Variants in NPLOC4 observed in about 807,000 individuals in gnomAD.
NPLOC4 encodes NPL4 homolog, ubiquitin recognition factor, also known as nuclear protein localization protein 4 homolog.
In NPLOC4, 18 loss-of-function variants were observed where a neutral mutation model predicts 80.6. The observed-to-expected ratio is 0.22, with a 90% CI of 0.15 to 0.33. The LOEUF is 0.33. Among genes scored for constraint, NPLOC4 ranks in the 10% least tolerant of loss-of-function variants. The probability of loss-of-function intolerance (pLI) is 1.00; values close to 1 mark genes in which losing one functional copy is unlikely to be tolerated. For missense variants in NPLOC4, 540 were observed against 786.1 expected, an observed-to-expected ratio of 0.69 and a Z score of 3.74; for synonymous variants, 313 against 301.5, an observed-to-expected ratio of 1.04 and a Z score of -0.39.
In NPLOC4 at chr17:81,632,203, T is replaced by G. The variant is rs2035949815; in HGVS notation, c.16-2398A>C. ...GTTAGTCAATCTGGTCTTAAACGCC[T>G]ACCTCAGGTGATCCACCTGCCTCAG... On this transcript the variant is annotated intron_variant, in intron 1 of 16. Coordinates refer to ENST00000331134, the MANE Select transcript of NPLOC4 (RefSeq NM_017921.4). Among the ~76,000 whole-genome samples the G allele has an allele frequency of 2.0e-5, 3 of 151,660 alleles. No individual in the cohort carries two copies. The South Asian group carries it at 6.2e-4, about 32-fold the overall frequency.
chr17:81,632,530 T>C (rs2035959860), intron 1 of NPLOC4, among the ~76,000 whole-genome samples: 1 of 151,946 alleles, frequency 6.6e-6, no homozygotes, highest in Admixed American at 6.6e-5. Context: ...GCCAGGCTGG[T>C]CTCGAACTCC....
At chr17:81,627,681 T>C (rs999823517) in intron 2 of NPLOC4, among the ~76,000 whole-genome samples, 9 of 151,404 alleles carry the variant, frequency 5.9e-5, no homozygotes, top group Non-Finnish European at 8.8e-5. Context: ...GGCAGGAGAA[T>C]TGCTTGAACA....
At chr17:81,609,000 TTTAA>T in intron 5 of NPLOC4, 178 bp from the exon 6 acceptor site, 1 of 504,578 alleles carries the variant, frequency 2.0e-6, no homozygotes, top group Non-Finnish European at 3.5e-6. Flanking sequence ...TTTTTCTTTT[TTTAA>T]TTAATTGTTT....
chr17:81,617,706 C>T (rs1039380554), intron 3 of NPLOC4, among the ~76,000 whole-genome samples: 1 of 147,892 alleles, frequency 6.8e-6, no homozygotes, highest in Non-Finnish European at 1.5e-5. Flanking sequence ...CCTCTCATGC[C>T]GAGCCGAAGC....
chr17:81,599,021 G>A (rs1026392119), intron 9 of NPLOC4, among the ~76,000 whole-genome samples: 1 of 152,238 alleles, frequency 6.6e-6, no homozygotes, highest in Non-Finnish European at 1.5e-5. Flanking sequence ...AGGCACGGTG[G>A]CTCACGCCCA....
intron 12 of NPLOC4, among the ~76,000 whole-genome samples, chr17:81,576,536 G>A (rs1193697838): frequency 6.6e-6 from 1 of 152,130 alleles, no homozygotes; most frequent in East Asian, 1.9e-4. Flanking sequence ...AGGGGCAATT[G>A]TACTTCCAAA....
chr17:81,566,424 T>C (rs1269802897), intron 15 of NPLOC4: 3 of 152,128 alleles, frequency 2.0e-5, no homozygotes, highest in Non-Finnish European at 4.4e-5. Flanking sequence ...ACTGCAAAAA[T>C]AGTGCAGTAT....
chr17:81,562,173 AG>A (rs1180834765), intron 16 of NPLOC4: 2 of 152,236 alleles, frequency 1.3e-5, no homozygotes, highest in Non-Finnish European at 2.9e-5. Flanking sequence ...TGGAGGTTGC[AG>A]TAAGTGGAGA....
At chr17:81,560,656 G>C (rs960792779) in intron 16 of NPLOC4, 1 of 152,626 alleles carries the variant, frequency 6.6e-6, no homozygotes, top group Non-Finnish European at 1.5e-5. Flanking sequence ...GCAGTGAACC[G>C]AGGTTGCAGT....
chr17:81,561,237 G>A (rs578135995), intron 16 of NPLOC4, among the ~76,000 whole-genome samples: 324 of 152,210 alleles, frequency 2.1e-3, no homozygotes, highest in African/African-American at 7.3e-3. Context: ...GATTACAGGC[G>A]TGAGCTACCA....
intron 16 of NPLOC4, chr17:81,563,923 A>G (rs1404920965): frequency 2.2e-6 from 1 of 455,008 alleles, no homozygotes; most frequent in East Asian, 7.0e-5. Flanking sequence ...TCACGTACAT[A>G]AAGATGGCAA....
chr17:81,618,598 C>CA (rs1016320173), intron 3 of NPLOC4, among the ~76,000 whole-genome samples: 7 of 145,206 alleles, frequency 4.8e-5, no homozygotes, highest in Non-Finnish European at 9.0e-5. Context: ...GGTCAGCCCC[C>CA]GCCCAGCCAG....
intron 6 of NPLOC4, among the ~76,000 whole-genome samples, chr17:81,607,393 C>CA (rs1158799161): frequency 0.041 from 3,215 of 77,748 alleles, 44 homozygotes; most frequent in Middle Eastern, 0.15. Context: ...ATATAACTGA[C>CA]AAAAAAAAAA....
At chr17:81,583,864 T>C (rs1213207286) in intron 12 of NPLOC4, among the ~76,000 whole-genome samples, 2 of 152,256 alleles carry the variant, frequency 1.3e-5, no homozygotes, top group Non-Finnish European at 2.9e-5. Flanking sequence ...CAAATGCCTA[T>C]ACGTGTCTTC....
In NPLOC4 at chr17:81,559,223, G is replaced by A; in HGVS notation, c.*36C>T. ...CGCTTCTGGCTTCAGGAAGGGCTGGGCTGGGCCCGGTCCTAGCCAGCAGAG... is the reference window on the plus strand; with the variant it reads ...CGCTTCTGGCTTCAGGAAGGGCTGGACTGGGCCCGGTCCTAGCCAGCAGAG... On this transcript the variant is annotated 3_prime_UTR_variant, in exon 17 of 17. Transcript: ENST00000331134. The A allele has an allele frequency of 6.4e-7, 1 of 1,564,170 alleles. No individual in the cohort carries two copies. Among genetic ancestry groups the A allele is most frequent in the Non-Finnish European group, 8.7e-7 (1 of 1,155,266 alleles).
chr17:81,587,205 G>T (rs2034603677), intron 12 of NPLOC4, among the ~76,000 whole-genome samples: 1 of 152,250 alleles, frequency 6.6e-6, no homozygotes, highest in Non-Finnish European at 1.5e-5. Flanking sequence ...CGGGTGCAGT[G>T]GCTCACGCCT....
At chr17:81,616,290 C>T (rs2035482235) in intron 3 of NPLOC4, among the ~76,000 whole-genome samples, 1 of 125,478 alleles carries the variant, frequency 8.0e-6, no homozygotes, top group South Asian at 2.6e-4. Context: ...CACTGCACTC[C>T]AGCCTGGGCG....
chr17:81,573,485 A>AC (rs1555679245), intron 12 of NPLOC4: 1 of 152,090 alleles, frequency 6.6e-6, no homozygotes, highest in Admixed American at 6.5e-5. Context: ...TGAAAATTAA[A>AC]TTCTGGCTGG....
chr17:81,559,529 C>T, intron 16 of NPLOC4, 113 bp from the exon 17 acceptor site: 11 of 1,224,700 alleles, frequency 9.0e-6, no homozygotes, highest in Non-Finnish European at 5.7e-6. Context: ...CCCAACATCC[C>T]ACCCAGTGCT....
Sources: allele counts gnomAD v4.1 joint callset (sites outside exome capture counted in the v4.1 genomes callset), GRCh38; gene constraint gnomAD v4.1.1; transcripts MANE v1.5; gene names NCBI Gene and HGNC (gene_info 2026-07-23, HGNC 2026-07-21).